ENO4: variants seen among roughly 807,000 people sequenced by gnomAD.
The protein encoded by ENO4 is enolase 4, also known as 2-phospho-D-glycerate hydro-lyase.
In ENO4, 53 loss-of-function variants were observed where a neutral mutation model predicts 63.2. The observed-to-expected ratio is 0.84, with a 90% CI of 0.67 to 1.05. The LOEUF is 1.05. Ranked by LOEUF, ENO4 falls within the 50% of genes least tolerant of loss-of-function variation. The probability of loss-of-function intolerance (pLI) is 0.00; values close to 1 mark genes in which losing one functional copy is unlikely to be tolerated. For missense variants in ENO4, 719 were observed against 772.0 expected (o/e 0.93, Z 0.81); for synonymous variants, 266 against 283.8 (o/e 0.94, Z 0.63).
At chr10:116,864,072 G>A (rs574253951) in intron 7 of ENO4, among the ~76,000 whole-genome samples, 4 of 152,300 alleles carry the variant, frequency 2.6e-5, no homozygotes, top group Admixed American at 1.3e-4. Flanking sequence ...CAAACACGCC[G>A]CATCAGGAGC....
At position 116,868,639 on chromosome 10, in the gene ENO4, CT is replaced by C. The variant is rs1347203623; in HGVS notation, c.991-10del. On this transcript the variant is annotated splice_polypyrimidine_tract_variant and intron_variant, in intron 7 of 13. Coordinates refer to ENST00000341276, the MANE Select transcript of ENO4 (RefSeq NM_001242699.2). ...ATTCCAGGTGATACATTTTTATCTTCTGCCCCACAGCCCTCTCCTCCAAAAG... is the reference window on the plus strand; with the variant it reads ...ATTCCAGGTGATACATTTTTATCTTCGCCCCACAGCCCTCTCCTCCAAAAG... 6.4e-7 allele frequency: 1 copy of C among 1,550,396 alleles called. No homozygotes were observed. Among genetic ancestry groups the C allele is most frequent in the Non-Finnish European group, 8.7e-7 (1 of 1,146,846 alleles).
intron 10 of ENO4, among the ~76,000 whole-genome samples, chr10:116,905,835 G>A (rs1847947198): frequency 6.6e-6 from 1 of 152,144 alleles, no homozygotes; most frequent in South Asian, 2.1e-4. Context: ...ACCTCATAAA[G>A]GTTTCCGTTA....
At chr10:116,875,575 A>ACACACACACACT (rs1455692326) in intron 10 of ENO4, among the ~76,000 whole-genome samples, 1 of 151,780 alleles carries the variant, frequency 6.6e-6, no homozygotes, top group Non-Finnish European at 1.5e-5. Flanking sequence ...ACACACACAC[A>ACACACACACACT]CACACACACA....
At chr10:116,897,674 C>G (rs1029978150) in intron 10 of ENO4, among the ~76,000 whole-genome samples, 1 of 152,126 alleles carries the variant, frequency 6.6e-6, no homozygotes, top group Non-Finnish European at 1.5e-5. Context: ...ACATGACAGT[C>G]CTACAGGGCA....
chr10:116,884,201 C>A (rs1847100592), downstream of ENO4: 1 of 456,858 alleles, frequency 2.2e-6, no homozygotes, highest in Non-Finnish European at 4.4e-6. Flanking sequence ...ACATACCTTG[C>A]AGATATAAGC....
intron 10 of ENO4, chr10:116,900,636 T>C: frequency 2.6e-6 from 4 of 1,519,834 alleles, no homozygotes; most frequent in Admixed American, 2.0e-5. Flanking sequence ...TGTGTCTGGA[T>C]ATTGGTTCAA....
chr10:116,904,257 G>C lies in ENO4; in HGVS notation c.1195-7242G>C, dbSNP rs115568368. Reference sequence around the variant, plus strand: ...CTGACTCCCAACATGCAGCTCTGCAGCTTTACTTTCTTGCTTACTTTCCCC... The same window carrying C: ...CTGACTCCCAACATGCAGCTCTGCACCTTTACTTTCTTGCTTACTTTCCCC... On this transcript the variant is annotated intron_variant, in intron 10 of 10. Transcript: ENST00000369207. Among the ~76,000 whole-genome samples the C allele has an allele frequency of 2.5e-3, 386 of 152,224 alleles. 3 individuals carry two copies. The highest frequency in any genetic ancestry group is 8.5e-3 in the African/African-American group (354 of 41,538).
At chr10:116,895,923 A>G (rs1206493574) in intron 10 of ENO4, among the ~76,000 whole-genome samples, 2 of 152,202 alleles carry the variant, frequency 1.3e-5, no homozygotes, top group Non-Finnish European at 2.9e-5. Flanking sequence ...CACCTTGCTT[A>G]ATATTAGTGA....
In ENO4 at chr10:116,881,511, A is replaced by G. The variant is rs1309443482; in HGVS notation, c.1724-4A>G. 1 of 1,534,920 alleles carries G rather than the reference A, an allele frequency of 6.5e-7. No homozygotes were observed. The highest frequency in any genetic ancestry group is 8.8e-7 in the Non-Finnish European group (1 of 1,141,140). On this transcript the variant is annotated splice_polypyrimidine_tract_variant and splice_region_variant and intron_variant, in intron 13 of 13. Coordinates refer to ENST00000341276, the MANE Select transcript of ENO4 (RefSeq NM_001242699.2). The stretch of plus-strand genomic sequence containing the variant: ...ACAGTAAACTTTATTGTTACTTTAA[A>G]TAGGTTTCAAAGAAGAACACACTTT...
At chr10:116,850,259 A>G (rs1589743529) in intron 1 of ENO4, 2 of 183,060 alleles carry the variant, frequency 1.1e-5, no homozygotes, top group Admixed American at 5.8e-5. Flanking sequence ...CCTAAACTCC[A>G]AAATTCAGAC....
At chr10:116,896,867 C>G (rs1230077482) in intron 10 of ENO4, among the ~76,000 whole-genome samples, 1 of 147,918 alleles carries the variant, frequency 6.8e-6, no homozygotes, top group Non-Finnish European at 1.5e-5. Flanking sequence ...AGTGCAGTGG[C>G]ACAATCTGGG....
chr10:116,905,587 C>T (rs969569006), intron 10 of ENO4, among the ~76,000 whole-genome samples: 12 of 152,118 alleles, frequency 7.9e-5, no homozygotes, highest in Non-Finnish European at 1.5e-4. Context: ...ACTCAATTGT[C>T]TGAGTAAATC....
intron 10 of ENO4, among the ~76,000 whole-genome samples, chr10:116,897,612 G>A (rs1010995165): frequency 1.3e-5 from 2 of 152,188 alleles, no homozygotes; most frequent in African/African-American, 4.8e-5. Flanking sequence ...ATAATTGTAA[G>A]ATAAGATAGG....
intron 7 of ENO4, 126 bp from the exon 8 acceptor site, chr10:116,868,524 C>CAT: frequency 1.3e-6 from 1 of 763,606 alleles, no homozygotes; most frequent in Non-Finnish European, 2.3e-6. Context: ...CGTGTGTGTG[C>CAT]GTGTATGTGT....
chr10:116,874,921 A>G (rs1846786560), intron 10 of ENO4, among the ~76,000 whole-genome samples: 1 of 152,042 alleles, frequency 6.6e-6, no homozygotes, highest in Non-Finnish European at 1.5e-5. Context: ...AGATCCGCCC[A>G]CCTTGGCCTC....
At chr10:116,876,861 G>A (rs1168477504) in intron 11 of ENO4, among the ~76,000 whole-genome samples, 2 of 152,270 alleles carry the variant, frequency 1.3e-5, no homozygotes, top group East Asian at 3.9e-4. Flanking sequence ...TGAGGCAGGA[G>A]AATGGGGTGA....
chr10:116,903,830 A>T lies in ENO4; in HGVS notation c.1195-7669A>T, dbSNP rs547500849. On this transcript the variant is annotated intron_variant, in intron 10 of 10. Coordinates refer to the ENO4 transcript ENST00000369207. ...TAGTGAGCTAAGCTACAGCTCTTAT[A>T]TTTTTCTTATATACAAAAAGACATT... 4.9e-4 allele frequency among the ~76,000 whole-genome samples: 75 copies of T among 152,236 alleles called. 1 individual carries two copies. The highest frequency in any genetic ancestry group is 1.7e-3 in the African/African-American group (70 of 41,540).
intron 10 of ENO4, among the ~76,000 whole-genome samples, chr10:116,893,237 G>GA (rs199982355): frequency 6.6e-5 from 10 of 151,778 alleles, no homozygotes; most frequent in African/African-American, 1.7e-4. Flanking sequence ...GCGGGGGAAG[G>GA]AAAAAAAATG....
chr10:116,858,407 A>T (rs1259097862), intron 3 of ENO4, among the ~76,000 whole-genome samples: 1 of 152,186 alleles, frequency 6.6e-6, no homozygotes, highest in Non-Finnish European at 1.5e-5. Flanking sequence ...TGGCATCTGG[A>T]TTATTAATAC....
Sources: gnomAD v4.1 joint callset for allele counts (sites outside exome capture counted in the v4.1 genomes callset) on GRCh38, gnomAD v4.1.1 for gene constraint, MANE v1.5 for transcripts, NCBI Gene and HGNC (gene_info 2026-07-23, HGNC 2026-07-21) for gene names.